The following COL18A1 variants were observed in gnomAD, a reference collection of about 807,000 sequenced individuals.
COL18A1 encodes collagen type XVIII alpha 1 chain.
Under a neutral mutation model 168.0 loss-of-function variants are expected in COL18A1, and 133 were observed. That is an observed-to-expected ratio of 0.79 (90% CI 0.69 to 0.91). The LOEUF is 0.91. Ranked by LOEUF, COL18A1 falls within the 40% of genes least tolerant of loss-of-function variation. The pLI, the probability that COL18A1 is intolerant of heterozygous loss-of-function variation, is 0.00. For missense variants in COL18A1, 2,126 were observed against 1,925.4 expected, an observed-to-expected ratio of 1.10 and a Z score of -1.95; for synonymous variants, 949 against 809.0, an observed-to-expected ratio of 1.17 and a Z score of -2.94.
intron 28 of COL18A1, 149 bp from the exon 29 acceptor site, chr21:45,495,206 GAGA>G: frequency 1.4e-6 from 1 of 716,460 alleles, no homozygotes; most frequent in Non-Finnish European, 2.5e-6. Flanking sequence ...GGAAAGGGGT[GAGA>G]AGGGCCGGGG....
At chr21:45,474,940 G>A (rs980743153) in intron 4 of COL18A1, among the ~76,000 whole-genome samples, 6 of 152,188 alleles carry the variant, frequency 3.9e-5, no homozygotes, top group Admixed American at 2.0e-4. Flanking sequence ...ACAAGGCTGC[G>A]CCCTGGGACA....
chr21:45,494,246 C>CCTCCACA, intron 26 of COL18A1: 1 of 481,954 alleles, frequency 2.1e-6, no homozygotes, highest in Non-Finnish European at 3.8e-6. Context: ...TGGCACATGC[C>CCTCCACA]CTCCACCCTC....
chr21:45,456,230 C>T (rs868032921), intron 2 of COL18A1: 1 of 1,604,522 alleles, frequency 6.2e-7, no homozygotes, highest in Non-Finnish European at 8.5e-7. Context: ...GGGAAGCCTG[C>T]AGGACCCAGA....
intron 2 of COL18A1, among the ~76,000 whole-genome samples, chr21:45,417,585 C>T (rs1277612321): frequency 2.0e-5 from 3 of 152,234 alleles, no homozygotes; most frequent in Admixed American, 2.0e-4. Context: ...GTCTCTCTGG[C>T]ATTCTGTGTG....
In COL18A1 at chr21:45,493,551, G is replaced by A. The variant is rs537203447; in HGVS notation, c.2328G>A (p.Leu776=). 2.7e-4 allele frequency: 420 copies of A among 1,557,920 alleles called. 1 individual carries two copies. The Admixed American group carries it at 3.8e-3, about 14-fold the overall frequency. The part of the protein sequence containing the change: ...GSIFSPDGGA[L]GPAQKGAKGE... ...TCTTCAGCCCCGACGGCGGTGCCCT[G>A]GGCCCTGCCCAGAAAGGAGCCAAGG... Residue 776 remains leucine, a synonymous_variant, in exon 26 of 42, where the codon CTG becomes CTA. Coordinates refer to ENST00000651438, the MANE Select transcript of COL18A1 (RefSeq NM_001379500.1).
At chr21:45,437,449 C>G (rs2034171083) in intron 2 of COL18A1, among the ~76,000 whole-genome samples, 1 of 88,190 alleles carries the variant, frequency 1.1e-5, no homozygotes, top group Non-Finnish European at 2.2e-5. Flanking sequence ...CACACACTCA[C>G]TCACAGACAG....
At position 45,495,341 on chromosome 21, in the gene COL18A1, C is replaced by G. The variant is rs763715232; in HGVS notation, c.2434-17C>G. On this transcript the variant is annotated splice_polypyrimidine_tract_variant and intron_variant, in intron 28 of 41. Coordinates refer to ENST00000651438, the MANE Select transcript of COL18A1 (RefSeq NM_001379500.1). ...CATCAGTGCCCAGCAGTCCCCACCC[C>G]CTGTGCTCCGCCCCAGGGTCGCCCC... The G allele has an allele frequency of 1.6e-5, 26 of 1,599,088 alleles. No individual in the cohort carries two copies. The highest frequency in any genetic ancestry group is 2.3e-5 in the East Asian group (1 of 44,294).
At chr21:45,409,359 G>A (rs1406035052) in intron 2 of COL18A1, among the ~76,000 whole-genome samples, 1 of 152,208 alleles carries the variant, frequency 6.6e-6, no homozygotes, top group African/African-American at 2.4e-5. Context: ...ATACGATGAT[G>A]ATATTTGGTA....
At chr21:45,470,087 G>A (rs576123729) in intron 3 of COL18A1, among the ~76,000 whole-genome samples, 10 of 152,254 alleles carry the variant, frequency 6.6e-5, no homozygotes, top group Middle Eastern at 3.2e-3. Flanking sequence ...AGCTCGGTAC[G>A]TGGGTGCACA....
intron 40 of COL18A1, among the ~76,000 whole-genome samples, 165 bp from the exon 41 acceptor site, chr21:45,510,946 C>CACACAT (rs1555876664): frequency 5.2e-5 from 3 of 57,382 alleles, no homozygotes; most frequent in African/African-American, 2.9e-4. Flanking sequence ...AAAACACACA[C>CACACAT]CCACAACACC....
chr21:45,512,039 C>A, intron 41 of COL18A1, 149 bp from the exon 42 acceptor site: 3 of 815,046 alleles, frequency 3.7e-6, no homozygotes, highest in Non-Finnish European at 4.1e-6. Context: ...AGCAGGGAGG[C>A]CATGTGGCCC....
rs2838940 is a variant in COL18A1 at position 45,481,019 on chromosome 21, A to G, written c.1611+161A>G. Among the ~76,000 whole-genome samples, 48,276 of 152,078 alleles carry G rather than the reference A, an allele frequency of 0.32. 7,863 individuals are homozygous for G. Among genetic ancestry groups the G allele is most frequent in the African/African-American group, 0.4 (16,643 of 41,486 alleles). Reference sequence around the variant, plus strand: ...GGCGGGCAGTTGCTGACTCGGGGCCACCCTGGGGTGTGCGGAAGCACCTGA... The same window carrying G: ...GGCGGGCAGTTGCTGACTCGGGGCCGCCCTGGGGTGTGCGGAAGCACCTGA... On this transcript the variant is annotated intron_variant, in intron 13 of 41. Transcript: ENST00000651438.
rs566438816 is a variant in COL18A1, at chr21:45,454,204, C to T, written c.107-14038C>T. The stretch of plus-strand genomic sequence containing the variant: ...GCGCCTGCCCTCGAGAAGGAGGTGG[C>T]ACTCAGCTGCTTGAAACAAGGCTGG... On this transcript the variant is annotated intron_variant, in intron 2 of 41. Coordinates refer to ENST00000651438, the MANE Select transcript of COL18A1 (RefSeq NM_001379500.1). Among the ~76,000 whole-genome samples the T allele has an allele frequency of 3.3e-5, 5 of 152,316 alleles. No individual in the cohort carries two copies. In the East Asian group the frequency reaches 5.8e-4, roughly 18 times the overall value.
At chr21:45,505,712 C>T (rs1371909444) in intron 36 of COL18A1, 126 bp from the exon 37 acceptor site, 6 of 808,262 alleles carry the variant, frequency 7.4e-6, no homozygotes, top group Non-Finnish European at 1.2e-5. Flanking sequence ...GGGCAGCCGC[C>T]TCAGTCCACA....
At chr21:45,433,006 G>A (rs2034004483) in intron 2 of COL18A1, among the ~76,000 whole-genome samples, 2 of 152,236 alleles carry the variant, frequency 1.3e-5, no homozygotes, top group Admixed American at 6.5e-5. Flanking sequence ...GAATAAGTAT[G>A]AGAAACCCCA....
intron 2 of COL18A1, among the ~76,000 whole-genome samples, chr21:45,410,415 T>TG (rs1483599467): frequency 1.3e-5 from 1 of 76,778 alleles, no homozygotes; most frequent in African/African-American, 6.0e-5. Flanking sequence ...CGGGCACTGG[T>TG]GGGGGGTCAA....
At chr21:45,446,681 C>G (rs1038756724) in intron 2 of COL18A1, among the ~76,000 whole-genome samples, 1 of 152,164 alleles carries the variant, frequency 6.6e-6, no homozygotes, top group African/African-American at 2.4e-5. Flanking sequence ...ATACCATAAT[C>G]AGACAAAGAC....
In COL18A1 at chr21:45,468,411, C is replaced by A. The variant is rs890511521; in HGVS notation, c.276C>A (p.Phe92Leu). The change falls in exon 3 of 42, where the codon TTC becomes TTA. Residue 92 changes from phenylalanine to leucine, a missense_variant. Phe to Leu is a conservative substitution (Grantham distance 22, BLOSUM62 0). Transcript: ENST00000651438. ...YHFPSLFFRD[F>L]SLLFHIRPAT... is the part of the protein sequence containing the mutation. ...TCCCCAGCCTCTTCTTCCGTGACTT[C>A]TCACTGCTGTTCCACATCCGGCCAG... The A allele has an allele frequency of 6.2e-7, 1 of 1,614,072 alleles. No homozygotes were observed. The highest frequency in any genetic ancestry group is 8.5e-7 in the Non-Finnish European group (1 of 1,180,034).
intron 4 of COL18A1, among the ~76,000 whole-genome samples, chr21:45,474,960 G>C (rs541636838): frequency 6.6e-6 from 1 of 152,350 alleles, no homozygotes; most frequent in Admixed American, 6.5e-5. Flanking sequence ...AGCTTGCTGG[G>C]TGCGGGGGGT....
Sources: gnomAD v4.1 joint callset for allele counts (sites outside exome capture counted in the v4.1 genomes callset) on GRCh38, gnomAD v4.1.1 for gene constraint, MANE v1.5 for transcripts, NCBI Gene and HGNC (gene_info 2026-07-23, HGNC 2026-07-21) for gene names.